The following TUT7 variants were observed in gnomAD, a reference collection of about 807,000 sequenced individuals.
TUT7 encodes the protein terminal uridylyltransferase 7.
Under a neutral mutation model 165.9 loss-of-function variants are expected in TUT7, and 33 were observed. The ratio of observed to expected loss-of-function variants is 0.20; its 90% CI spans 0.15 to 0.27. The LOEUF is 0.27. TUT7 is among the 10% of genes least tolerant of loss of function. TUT7 has a pLI of 1.00. For synonymous variants in TUT7, 552 were observed against 608.1 expected, an observed-to-expected ratio of 0.91 and a Z score of 1.36; for missense variants, 1,338 against 1,762.3, an observed-to-expected ratio of 0.76 and a Z score of 4.31.
At chr9:86,341,711 T>C (rs978953511) in intron 6 of TUT7, among the ~76,000 whole-genome samples, 1 of 152,154 alleles carries the variant, frequency 6.6e-6, no homozygotes, top group Non-Finnish European at 1.5e-5. Flanking sequence ...CTGCTCCCCC[T>C]GCCTGAAACT....
intron 2 of TUT7, among the ~76,000 whole-genome samples, chr9:86,351,807 C>T (rs1003247656): frequency 6.6e-6 from 1 of 152,138 alleles, no homozygotes; most frequent in East Asian, 1.9e-4. Flanking sequence ...CTAAAAAACG[C>T]TTTCAGCCAC....
chr9:86,344,246 C>T (rs1831561907), intron 5 of TUT7, among the ~76,000 whole-genome samples: 1 of 151,106 alleles, frequency 6.6e-6, no homozygotes, highest in African/African-American at 2.4e-5. Context: ...TGATGCACAG[C>T]AAGAATTGAG....
At chr9:86,345,642 G>T in intron 4 of TUT7, 27 bp downstream of exon 4, 1 of 1,490,726 alleles carries the variant, frequency 6.7e-7, no homozygotes, top group Non-Finnish European at 9.3e-7. Flanking sequence ...CAAGTAAGCA[G>T]ACTTGTTTGG....
intron 8 of TUT7, among the ~76,000 whole-genome samples, chr9:86,339,229 A>C (rs2131554711): frequency 6.6e-6 from 1 of 152,298 alleles, no homozygotes; most frequent in South Asian, 2.1e-4. Flanking sequence ...TAAGGAAAAT[A>C]TTATCAAATG....
chr9:86,352,938 C>G lies in TUT7; in HGVS notation c.262G>C (p.Ala88Pro). The change falls in exon 2 of 27, where the codon GCT becomes CCT. Residue 88 changes from alanine to proline, a missense_variant. Transcript: ENST00000375963. ...AFKNPIYSQP[A>P]WMNDSHKDQS... is the part of the protein sequence containing the mutation. The stretch of plus-strand genomic sequence containing the variant: ...TCTTTGTGGCTGTCATTCATCCAAG[C>G]GGGTTGACTGTAGATTGGGTTTTTA... 1 of 1,614,168 alleles carries G rather than the reference C, an allele frequency of 6.2e-7. No individual in the cohort carries two copies. Among genetic ancestry groups the G allele is most frequent in the South Asian group, 1.1e-5 (1 of 91,074 alleles).
At chr9:86,298,741 A>ATT in intron 26 of TUT7, 15 of 968,066 alleles carry the variant, frequency 1.5e-5, no homozygotes, top group Non-Finnish European at 1.8e-5. Flanking sequence ...AATAACACAC[A>ATT]TTTGTTTTTT....
intron 14 of TUT7, among the ~76,000 whole-genome samples, chr9:86,319,978 A>G (rs1004887130): frequency 3.9e-5 from 6 of 152,120 alleles, no homozygotes; most frequent in Non-Finnish European, 8.8e-5. Flanking sequence ...GACTATAGGC[A>G]TGTACCACCA....
chr9:86,296,012 T>C (rs1198066292), intron 26 of TUT7, among the ~76,000 whole-genome samples: 3 of 152,216 alleles, frequency 2.0e-5, no homozygotes, highest in Admixed American at 6.5e-5. Context: ...TTTATCACTG[T>C]GGTACCACAA....
Position 86,308,485 on chromosome 9 carries a change from T to C in TUT7, c.3782A>G (p.Lys1261Arg). 8 of 1,614,068 alleles carry C rather than the reference T, an allele frequency of 5.0e-6. No homozygotes were observed. The highest frequency in any genetic ancestry group is 2.2e-5 in the South Asian group (2 of 91,058). Reference protein sequence around the residue: ...FKEHVISIRRKSLLTTFKKQW... With the variant: ...FKEHVISIRRRSLLTTFKKQW... Reference sequence around the variant, plus strand: ...TTTCTTAAAAGTTGTAAGCAGACTTTTTCTCCTGATGCTAATAACATGTTC... The same window carrying C: ...TTTCTTAAAAGTTGTAAGCAGACTTCTTCTCCTGATGCTAATAACATGTTC... Residue 1261 changes from lysine to arginine, a missense_variant, in exon 22 of 27, where the codon AAA becomes AGA. Transcript: ENST00000375963.
intron 26 of TUT7, among the ~76,000 whole-genome samples, chr9:86,292,417 A>G (rs7022195): frequency 0.31 from 46,937 of 150,574 alleles, 8,714 homozygotes; most frequent in African/African-American, 0.5. Context: ...TGCAGTGAGC[A>G]GAGATCACAC....
At chr9:86,338,048 G>A (rs552346201) in intron 9 of TUT7, among the ~76,000 whole-genome samples, 8 of 152,270 alleles carry the variant, frequency 5.3e-5, no homozygotes, top group Admixed American at 1.3e-4. Flanking sequence ...GAAGCAGGCG[G>A]TGGTTTTCAA....
chr9:86,338,788 T>C (rs1831068911), intron 9 of TUT7, 35 bp downstream of exon 9: 1 of 1,532,948 alleles, frequency 6.5e-7, no homozygotes, highest in Non-Finnish European at 8.8e-7. Flanking sequence ...TATACATATG[T>C]AGAATGTATT....
intron 14 of TUT7, among the ~76,000 whole-genome samples, chr9:86,320,837 T>C (rs932629704): frequency 2.0e-5 from 3 of 152,154 alleles, no homozygotes; most frequent in Admixed American, 6.5e-5. Flanking sequence ...GAAAATATCT[T>C]TCTTCTGGAA....
At chr9:86,319,693 A>G in intron 14 of TUT7, 23 bp from the exon 15 acceptor site, 1 of 1,513,350 alleles carries the variant, frequency 6.6e-7, no homozygotes, top group Non-Finnish European at 9.1e-7. Flanking sequence ...AAATAGACAT[A>G]TTGACAAAAT....
intron 9 of TUT7, among the ~76,000 whole-genome samples, chr9:86,338,133 G>A (rs1830988238): frequency 6.6e-6 from 1 of 152,010 alleles, no homozygotes; most frequent in African/African-American, 2.4e-5. Flanking sequence ...TCCAAGAAAC[G>A]GGAAGTATCT....
Position 86,310,694 on chromosome 9 carries a change from A to G in TUT7, c.3378+12T>C. The G allele has an allele frequency of 6.5e-7, 1 of 1,527,018 alleles. No homozygotes were observed. The highest frequency in any genetic ancestry group is 9.1e-7 in the Non-Finnish European group (1 of 1,102,928). The allele number at this position is 1,527,018 out of a possible 1,614,324, so 94.6% of individuals were successfully genotyped here. A position where few individuals can be genotyped will look rare whatever the true frequency, so the allele number is the denominator to read the frequency against. ...TAACCTCTCTAAACAAAAAGCCTGA[A>G]AAAAATCTTACCAATGTGTTATACA... On this transcript the variant is annotated intron_variant, in intron 18 of 26. Transcript: ENST00000375963.
In TUT7 at chr9:86,322,797, A is replaced by T; in HGVS notation, c.2877+76T>A. ...CTACCAAAATAGGAAAATTCCTAGT[A>T]TATAAAAATTGAAATTAAATGCATT... On this transcript the variant is annotated intron_variant, in intron 13 of 26. Coordinates refer to ENST00000375963, the MANE Select transcript of TUT7 (RefSeq NM_024617.4). 3.4e-6 allele frequency: 5 copies of T among 1,456,350 alleles called. 1 individual carries two copies. In the South Asian group the frequency reaches 4.3e-5, roughly 12 times the overall value. The allele number at this position is 1,456,350 out of a possible 1,614,324, so 90.2% of individuals were successfully genotyped here. A position where few individuals can be genotyped will look rare whatever the true frequency, so the allele number is the denominator to read the frequency against.
At chr9:86,300,054 T>G (rs199843546) in intron 26 of TUT7, among the ~76,000 whole-genome samples, 1 of 152,238 alleles carries the variant, frequency 6.6e-6, no homozygotes, top group East Asian at 1.9e-4. Context: ...ACTATTATTA[T>G]TGTAATTTCT....
chr9:86,297,100 G>A (rs1029903619), intron 26 of TUT7, among the ~76,000 whole-genome samples: 4 of 152,108 alleles, frequency 2.6e-5, no homozygotes, highest in Non-Finnish European at 4.4e-5. Context: ...TTACTAAGAA[G>A]ATAATTACAG....
Sources: allele counts gnomAD v4.1 joint callset (sites outside exome capture counted in the v4.1 genomes callset), GRCh38; gene constraint gnomAD v4.1.1; transcripts MANE v1.5; gene names NCBI Gene and HGNC (gene_info 2026-07-23, HGNC 2026-07-21).